PHACTR4: variants seen among roughly 807,000 people sequenced by gnomAD.
The protein encoded by PHACTR4 is protein phosphatase 1, regulatory subunit 124.
A neutral mutation model predicts 72.7 loss-of-function variants in PHACTR4; 51 were observed. The observed-to-expected ratio is 0.70, with a 90% confidence interval of 0.56 to 0.89. The LOEUF (loss-of-function observed/expected upper bound fraction) is 0.89. Among genes scored for constraint, PHACTR4 ranks in the 40% least tolerant of loss-of-function variants. The pLI is 0.00. For synonymous variants in PHACTR4, 255 were observed against 302.5 expected, an observed-to-expected ratio of 0.84 and a Z score of 1.63; for missense variants, 731 against 861.8, an observed-to-expected ratio of 0.85 and a Z score of 1.90.
At chr1:28,437,283 C>T (rs1352061925) in intron 2 of PHACTR4, among the ~76,000 whole-genome samples, 1 of 152,154 alleles carries the variant, frequency 6.6e-6, no homozygotes, top group Admixed American at 6.5e-5. Flanking sequence ...GGCTGGAGTG[C>T]AGTGGTGTAA....
chr1:28,450,796 G>A (rs560954925), intron 2 of PHACTR4, among the ~76,000 whole-genome samples: 4 of 148,818 alleles, frequency 2.7e-5, no homozygotes, highest in Admixed American at 2.0e-4. Flanking sequence ...ATTGTTGTGT[G>A]TGTGTGTGTG....
At chr1:28,461,021 G>C (rs1658767081) in intron 4 of PHACTR4, among the ~76,000 whole-genome samples, 1 of 152,158 alleles carries the variant, frequency 6.6e-6, no homozygotes. Flanking sequence ...GTTTAATAAT[G>C]TCAAGACTTT....
intron 1 of PHACTR4, among the ~76,000 whole-genome samples, chr1:28,376,312 CAAA>C (rs548365936): frequency 4.6e-5 from 6 of 129,918 alleles, no homozygotes; most frequent in Admixed American, 7.8e-5. Flanking sequence ...GACCTTGTCT[CAAA>C]AAAAAAAAAA....
intron 1 of PHACTR4, among the ~76,000 whole-genome samples, chr1:28,391,258 G>GCCCA (rs559467042): frequency 1.3e-5 from 2 of 150,372 alleles, no homozygotes; most frequent in South Asian, 4.2e-4. Flanking sequence ...AATTAGCCGG[G>GCCCA]CGTGGTGGTG....
chr1:28,471,845 A>G (rs747497046), intron 6 of PHACTR4, among the ~76,000 whole-genome samples: 7 of 152,164 alleles, frequency 4.6e-5, no homozygotes, highest in Non-Finnish European at 1.0e-4. Flanking sequence ...CAAGGAGCCC[A>G]TGATATAGTG....
chr1:28,410,041 G>A (rs868027762), intron 2 of PHACTR4, among the ~76,000 whole-genome samples: 2 of 109,022 alleles, frequency 1.8e-5, no homozygotes, highest in Admixed American at 1.3e-4. Flanking sequence ...ATCTGGGCTC[G>A]CTGCAATCTC....
At position 28,382,033 on chromosome 1, in the gene PHACTR4, G is replaced by C. The variant is rs569219387; in HGVS notation, c.-39+12208G>C. ...TCCACCTGCCTTGGCCTCCCAAAGT[G>C]TTGGGATTACAGGCGTGAGCCACTG... On this transcript the variant is annotated intron_variant, in intron 1 of 13. Coordinates refer to ENST00000373839, the MANE Select transcript of PHACTR4 (RefSeq NM_001048183.3). 3.7e-4 allele frequency among the ~76,000 whole-genome samples: 56 copies of C among 152,178 alleles called. 1 individual carries two copies. The highest frequency in any genetic ancestry group is 7.9e-4 in the Non-Finnish European group (54 of 68,034).
intron 2 of PHACTR4, among the ~76,000 whole-genome samples, chr1:28,435,319 C>T (rs765979064): frequency 2.6e-5 from 4 of 152,154 alleles, no homozygotes; most frequent in East Asian, 1.9e-4. Context: ...GGCTGGAGTG[C>T]GGTGGCATGA....
chr1:28,376,338 G>T (rs1185562526), intron 1 of PHACTR4, among the ~76,000 whole-genome samples: 1 of 150,456 alleles, frequency 6.6e-6, no homozygotes, highest in Non-Finnish European at 1.5e-5. Flanking sequence ...TTGAGACAGA[G>T]TCTTACTCTG....
chr1:28,411,010 G>A (rs1037559982), intron 2 of PHACTR4, among the ~76,000 whole-genome samples: 7 of 151,366 alleles, frequency 4.6e-5, no homozygotes, highest in African/African-American at 1.7e-4. Flanking sequence ...GCCCGGCTGA[G>A]ATTATTTTTT....
intron 1 of PHACTR4, among the ~76,000 whole-genome samples, chr1:28,404,448 A>C (rs1654179661): frequency 6.6e-6 from 1 of 150,922 alleles, no homozygotes; most frequent in African/African-American, 2.4e-5. Flanking sequence ...ACGCCCAGCT[A>C]ATTTTTGTAT....
intron 2 of PHACTR4, among the ~76,000 whole-genome samples, chr1:28,419,604 T>G (rs975198425): frequency 2.0e-5 from 3 of 152,000 alleles, no homozygotes; most frequent in African/African-American, 7.3e-5. Context: ...CCACCATGCC[T>G]GGCTAATCTA....
intron 2 of PHACTR4, among the ~76,000 whole-genome samples, chr1:28,426,427 G>A (rs1052494786): frequency 9.2e-5 from 14 of 152,130 alleles, no homozygotes; most frequent in Non-Finnish European, 1.5e-4. Context: ...GGGAGGCTGA[G>A]GCGGGTGGAT....
At chr1:28,442,238 G>A (rs1220565237) in intron 2 of PHACTR4, among the ~76,000 whole-genome samples, 3 of 151,924 alleles carry the variant, frequency 2.0e-5, no homozygotes, top group Admixed American at 2.0e-4. Context: ...AGGCCAAGGC[G>A]GGTGAATCAC....
intron 2 of PHACTR4, among the ~76,000 whole-genome samples, chr1:28,441,346 T>C (rs946474359): frequency 6.6e-6 from 1 of 152,174 alleles, no homozygotes; most frequent in Non-Finnish European, 1.5e-5. Context: ...CCCAAAGTGC[T>C]AGGATTACAG....
At chr1:28,384,284 T>C (rs181508507) in intron 1 of PHACTR4, among the ~76,000 whole-genome samples, 62 of 152,228 alleles carry the variant, frequency 4.1e-4, no homozygotes, top group African/African-American at 1.3e-3. Flanking sequence ...TGTGAATCCA[T>C]CCGGTCCTGG....
intron 2 of PHACTR4, among the ~76,000 whole-genome samples, chr1:28,408,002 C>T (rs956409358): frequency 6.6e-6 from 1 of 152,178 alleles, no homozygotes; most frequent in Non-Finnish European, 1.5e-5. Flanking sequence ...CACCTGTAAT[C>T]CCAGCTACTC....
chr1:28,476,610 C>T (rs1454185940), intron 8 of PHACTR4, among the ~76,000 whole-genome samples: 2 of 146,998 alleles, frequency 1.4e-5, no homozygotes, highest in Admixed American at 6.9e-5. Context: ...GTGCAATCGT[C>T]GCTCACTGTA....
chr1:28,439,509 C>T (rs1432336876), intron 2 of PHACTR4, among the ~76,000 whole-genome samples: 1 of 152,060 alleles, frequency 6.6e-6, no homozygotes, highest in Non-Finnish European at 1.5e-5. Flanking sequence ...AGTCATTCAG[C>T]AACAGATTTT....
Sources: gnomAD v4.1 joint callset for allele counts (sites outside exome capture counted in the v4.1 genomes callset) on GRCh38, gnomAD v4.1.1 for gene constraint, MANE v1.5 for transcripts, NCBI Gene and HGNC (gene_info 2026-07-23, HGNC 2026-07-21) for gene names.